The following FYN variants were observed in gnomAD, a reference collection of about 807,000 sequenced individuals.
FYN encodes the protein tyrosine-protein kinase Fyn.
Under a neutral mutation model 70.2 loss-of-function variants are expected in FYN, and 10 were observed. That is an observed-to-expected ratio of 0.14 (90% CI 0.09 to 0.24). The LOEUF (loss-of-function observed/expected upper bound fraction) is 0.24. FYN is among the 10% of genes least tolerant of loss of function. The probability of loss-of-function intolerance (pLI) is 1.00; values close to 1 mark genes in which losing one functional copy is unlikely to be tolerated. For missense variants in FYN, 319 were observed against 673.1 expected, an observed-to-expected ratio of 0.47 and a Z score of 5.82; for synonymous variants, 236 against 248.6, an observed-to-expected ratio of 0.95 and a Z score of 0.48.
At chr6:111,679,360 G>A (rs904417899) in intron 12 of FYN, among the ~76,000 whole-genome samples, 2 of 152,094 alleles carry the variant, frequency 1.3e-5, no homozygotes, top group African/African-American at 4.8e-5. Flanking sequence ...ATTGCCTAAC[G>A]AAGCTGTTAT....
chr6:111,695,758 G>A (rs1429902761), intron 10 of FYN, among the ~76,000 whole-genome samples: 1 of 152,174 alleles, frequency 6.6e-6, no homozygotes, highest in African/African-American at 2.4e-5. Flanking sequence ...GGAAGACAGA[G>A]GGGTTGTAGG....
At chr6:111,714,507 T>G in intron 4 of FYN, 64 bp from the exon 5 acceptor site, 1 of 1,137,108 alleles carries the variant, frequency 8.8e-7, no homozygotes, top group South Asian at 1.2e-5. Context: ...TCCAAGAAAT[T>G]AAATCTTCAC....
chr6:111,758,127 G>C (rs1802824599), intron 3 of FYN, among the ~76,000 whole-genome samples: 1 of 152,134 alleles, frequency 6.6e-6, no homozygotes, highest in Non-Finnish European at 1.5e-5. Flanking sequence ...ATCAAAATAA[G>C]CAAAGATAGT....
In FYN at chr6:111,719,627, T is replaced by C. The variant is rs1041337617; in HGVS notation, c.247+178A>G. The C allele has an allele frequency of 9.9e-6, 7 of 707,124 alleles. No homozygotes were observed. In the African/African-American group the frequency reaches 1.3e-4, roughly 13 times the overall value. The allele number at this position is 707,124 out of a possible 1,614,324, so 43.8% of individuals were successfully genotyped here. On this transcript the variant is annotated intron_variant, in intron 4 of 13. Coordinates refer to ENST00000354650, the MANE Select transcript of FYN (RefSeq NM_002037.5). ...CTTGCAACCCTGTAGCCAAGCATTTTGTTTGTACATCAAACTCTGGCTTTT... is the reference window on the plus strand; with the variant it reads ...CTTGCAACCCTGTAGCCAAGCATTTCGTTTGTACATCAAACTCTGGCTTTT...
chr6:111,815,792 C>T (rs1400020648), intron 2 of FYN, among the ~76,000 whole-genome samples: 1 of 151,160 alleles, frequency 6.6e-6, no homozygotes, highest in Non-Finnish European at 1.5e-5. Context: ...GATCATCGCT[C>T]ATTGCAGCCT....
At chr6:111,749,336 G>A (rs1802384576) in intron 3 of FYN, among the ~76,000 whole-genome samples, 1 of 152,164 alleles carries the variant, frequency 6.6e-6, no homozygotes, top group Non-Finnish European at 1.5e-5. Flanking sequence ...TCATGTTTAT[G>A]ATACACAGAC....
intron 13 of FYN, among the ~76,000 whole-genome samples, chr6:111,663,002 G>A (rs1797827687): frequency 6.6e-6 from 1 of 152,236 alleles, no homozygotes; most frequent in African/African-American, 2.4e-5. Flanking sequence ...CTGCACACTG[G>A]CTGCCTTAAC....
At chr6:111,817,522 T>C (rs1050903173) in intron 2 of FYN, among the ~76,000 whole-genome samples, 1 of 152,204 alleles carries the variant, frequency 6.6e-6, no homozygotes, top group Non-Finnish European at 1.5e-5. Context: ...GAAAAAAGAA[T>C]CTCCATGCAT....
intron 1 of FYN, among the ~76,000 whole-genome samples, chr6:111,866,286 G>C (rs1202393154): frequency 6.6e-6 from 1 of 152,152 alleles, no homozygotes; most frequent in Non-Finnish European, 1.5e-5. Context: ...ACTTGGCCCA[G>C]CCCACACAGC....
intron 1 of FYN, among the ~76,000 whole-genome samples, chr6:111,865,937 T>C (rs569740596): frequency 6.6e-6 from 1 of 152,352 alleles, no homozygotes; most frequent in African/African-American, 2.4e-5. Context: ...TTTTCAATCA[T>C]ACCATGTAAG....
intron 2 of FYN, among the ~76,000 whole-genome samples, chr6:111,811,909 G>A (rs1327771726): frequency 2.0e-5 from 3 of 152,124 alleles, no homozygotes; most frequent in African/African-American, 7.2e-5. Context: ...GGAAGAACGG[G>A]ACTCTCCAGG....
chr6:111,817,628 T>C (rs981183795), intron 2 of FYN, among the ~76,000 whole-genome samples: 18 of 152,322 alleles, frequency 1.2e-4, no homozygotes, highest in African/African-American at 4.1e-4. Context: ...GATGCTCTCC[T>C]GGACTCTGTG....
At chr6:111,727,010 G>C (rs768691400) in intron 3 of FYN, among the ~76,000 whole-genome samples, 1 of 152,204 alleles carries the variant, frequency 6.6e-6, no homozygotes, top group Non-Finnish European at 1.5e-5. Flanking sequence ...GGAACTGCAA[G>C]TCAATTAAAC....
chr6:111,814,902 A>C (rs921267137), intron 2 of FYN, among the ~76,000 whole-genome samples: 1 of 152,194 alleles, frequency 6.6e-6, no homozygotes, highest in African/African-American at 2.4e-5. Context: ...CTCAACTTTT[A>C]AAAAAATTGT....
At position 111,704,119 on chromosome 6, in the gene FYN, G is replaced by C; in HGVS notation, c.444-17C>G. 2 of 1,601,128 alleles carry C rather than the reference G, an allele frequency of 1.2e-6. No homozygotes were observed. The highest frequency in any genetic ancestry group is 1.7e-6 in the Non-Finnish European group (2 of 1,169,892). On this transcript the variant is annotated splice_polypyrimidine_tract_variant and intron_variant, in intron 6 of 13. Transcript: ENST00000354650. ...AAGTACCACCTTTAAATTAGATCAA[G>C]GAAAGAAAATATTTTGAAATAGTCA...
At position 111,668,503 on chromosome 6, in the gene FYN, A is replaced by G. The variant is rs532267987; in HGVS notation, c.1405+5996T>C. 5.7e-3 allele frequency among the ~76,000 whole-genome samples: 477 copies of G among 83,668 alleles called. 1 individual carries two copies. Among genetic ancestry groups the G allele is most frequent in the Non-Finnish European group, 8.5e-3 (377 of 44,228 alleles). The allele number at this position is 83,668 out of a possible 152,430, so 54.9% of individuals were successfully genotyped here. On this transcript the variant is annotated intron_variant, in intron 13 of 13. Coordinates refer to ENST00000354650, the MANE Select transcript of FYN (RefSeq NM_002037.5). ...ATCATAGAGAACTCCTTTGTCCCAG[A>G]AAAAAAAAAAAAAAGGAGTGAAAAA...
chr6:111,813,067 T>A (rs1772376919), intron 2 of FYN, among the ~76,000 whole-genome samples: 1 of 152,234 alleles, frequency 6.6e-6, no homozygotes, highest in Non-Finnish European at 1.5e-5. Context: ...TTTACTATGC[T>A]ATTTACTTCT....
intron 3 of FYN, among the ~76,000 whole-genome samples, chr6:111,773,535 G>GGGAAAA (rs1803557278): frequency 1.6e-5 from 1 of 63,190 alleles, no homozygotes; most frequent in African/African-American, 7.2e-5. Flanking sequence ...GAGGGGGAGA[G>GGGAAAA]GGAGAGGGAG....
intron 4 of FYN, 69 bp from the exon 5 acceptor site, chr6:111,714,512 C>T: frequency 9.0e-7 from 1 of 1,110,644 alleles, no homozygotes; most frequent in East Asian, 2.4e-5. Flanking sequence ...GAAATTAAAT[C>T]TTCACTAAAA....
Sources: allele counts gnomAD v4.1 joint callset (sites outside exome capture counted in the v4.1 genomes callset), GRCh38; gene constraint gnomAD v4.1.1; transcripts MANE v1.5; gene names NCBI Gene and HGNC (gene_info 2026-07-23, HGNC 2026-07-21).